SLCO1A2: variants seen among roughly 807,000 people sequenced by gnomAD.
SLCO1A2 encodes OATP-1.
Under a neutral mutation model 69.0 loss-of-function variants are expected in SLCO1A2, and 67 were observed. That is an observed-to-expected ratio of 0.97 (90% CI 0.80 to 1.19). The LOEUF (loss-of-function observed/expected upper bound fraction) is 1.19. Among genes scored for constraint, SLCO1A2 ranks in the 50% most tolerant of loss-of-function variants. The pLI, the probability that SLCO1A2 is intolerant of heterozygous loss-of-function variation, is 0.00. For synonymous variants in SLCO1A2, 260 were observed against 265.9 expected (o/e 0.98, Z 0.22); for missense variants, 787 against 793.7 (o/e 0.99, Z 0.10).
upstream of SLCO1A2, among the ~76,000 whole-genome samples, chr12:21,395,863 A>G (rs1941432975): frequency 6.6e-6 from 1 of 151,804 alleles, no homozygotes; most frequent in South Asian, 2.1e-4. Context: ...CACACCAAAA[A>G]CCCATCTGTA....
upstream of SLCO1A2, among the ~76,000 whole-genome samples, chr12:21,399,079 C>A (rs1941592035): frequency 2.7e-5 from 4 of 146,346 alleles, no homozygotes; most frequent in African/African-American, 1.0e-4. Flanking sequence ...AAGAGGAAGT[C>A]AAATTGTCCC....
At chr12:21,417,249 A>C (rs1942003148) in intron 1 of SLCO1A2, among the ~76,000 whole-genome samples, 1 of 151,992 alleles carries the variant, frequency 6.6e-6, no homozygotes, top group African/African-American at 2.4e-5. Flanking sequence ...ACAATATATG[A>C]ATCAGCTAAG....
chr12:21,396,120 T>C (rs1023578556), upstream of SLCO1A2, among the ~76,000 whole-genome samples: 2 of 151,850 alleles, frequency 1.3e-5, no homozygotes, highest in Non-Finnish European at 2.9e-5. Context: ...AGTTGAAAAC[T>C]CTGAAAAAAT....
At chr12:21,341,854 T>C (rs919246622) in intron 2 of SLCO1A2, among the ~76,000 whole-genome samples, 1 of 152,052 alleles carries the variant, frequency 6.6e-6, no homozygotes, top group Non-Finnish European at 1.5e-5. Flanking sequence ...ATAGTGTCCA[T>C]TCAGATTTCT....
chr12:21,344,371 T>C (rs545200808), intron 2 of SLCO1A2, among the ~76,000 whole-genome samples: 2 of 152,224 alleles, frequency 1.3e-5, no homozygotes, highest in Non-Finnish European at 2.9e-5. Flanking sequence ...GTAGTTCACC[T>C]GACTCACTTT....
intron 2 of SLCO1A2, among the ~76,000 whole-genome samples, chr12:21,361,381 T>A (rs939800946): frequency 1.3e-5 from 2 of 152,136 alleles, no homozygotes; most frequent in African/African-American, 4.8e-5. Flanking sequence ...AAACCCCATC[T>A]GTAGGTCACC....
At chr12:21,383,207 C>T (rs74066470) in intron 1 of SLCO1A2, among the ~76,000 whole-genome samples, 5,815 of 152,208 alleles carry the variant, frequency 0.038, 364 homozygotes, top group African/African-American at 0.13. Context: ...CTAAATATTT[C>T]CAACACTGAA....
upstream of SLCO1A2, among the ~76,000 whole-genome samples, chr12:21,399,140 C>CTT (rs1941595074): frequency 6.8e-6 from 1 of 147,008 alleles, no homozygotes; most frequent in Non-Finnish European, 1.5e-5. Context: ...CATCTCAGCC[C>CTT]AAAATCTCCT....
intron 4 of SLCO1A2, among the ~76,000 whole-genome samples, chr12:21,309,239 T>C (rs1245452073): frequency 6.6e-6 from 1 of 152,042 alleles, no homozygotes; most frequent in Non-Finnish European, 1.5e-5. Context: ...ATTCAAGTAA[T>C]AGAGATCTAG....
chr12:21,391,480 GTCTT>G (rs1941149626), intron 1 of SLCO1A2, among the ~76,000 whole-genome samples: 1 of 152,098 alleles, frequency 6.6e-6, no homozygotes, highest in African/African-American at 2.4e-5. Flanking sequence ...TAATCCTGGT[GTCTT>G]TCTGAGCATA....
At chr12:21,390,449 GT>G (rs1435165148) in intron 1 of SLCO1A2, among the ~76,000 whole-genome samples, 1 of 152,076 alleles carries the variant, frequency 6.6e-6, no homozygotes, top group Non-Finnish European at 1.5e-5. Context: ...TGATGATAAG[GT>G]TTGTAAAATG....
At chr12:21,378,078 A>T (rs184936798) in intron 1 of SLCO1A2, among the ~76,000 whole-genome samples, 172 of 152,346 alleles carry the variant, frequency 1.1e-3, no homozygotes, top group African/African-American at 4.0e-3. Context: ...TGTCAAAAAA[A>T]AATCTCAGCC....
intron 2 of SLCO1A2, among the ~76,000 whole-genome samples, chr12:21,345,507 T>TA (rs1034043965): frequency 6.6e-6 from 1 of 152,106 alleles, no homozygotes; most frequent in South Asian, 2.1e-4. Flanking sequence ...TAACTAATCC[T>TA]AAAAAATCAA....
intron 14 of SLCO1A2, chr12:21,273,888 G>A (rs1943326603): frequency 6.6e-6 from 1 of 152,090 alleles, no homozygotes; most frequent in Admixed American, 6.6e-5. Flanking sequence ...ATCAAGAGAA[G>A]TTAATTCAAA....
chr12:21,335,766 G>C (rs986792425), upstream of SLCO1A2, among the ~76,000 whole-genome samples: 2 of 152,216 alleles, frequency 1.3e-5, no homozygotes, highest in East Asian at 3.9e-4. Flanking sequence ...GCACTATTAT[G>C]TTTGAGTTTT....
intron 11 of SLCO1A2, among the ~76,000 whole-genome samples, 173 bp from the exon 12 acceptor site, chr12:21,292,509 G>GA (rs1947032793): frequency 6.6e-6 from 1 of 152,072 alleles, no homozygotes; most frequent in Non-Finnish European, 1.5e-5. Context: ...GGTGATTTCA[G>GA]AAAAACGGTA....
chr12:21,310,805 G>A (rs1324723097), intron 4 of SLCO1A2, among the ~76,000 whole-genome samples: 1 of 152,048 alleles, frequency 6.6e-6, no homozygotes, highest in Non-Finnish European at 1.5e-5. Context: ...GGGTTTCACC[G>A]TGTTAGCCAG....
rs11568567 is a variant in SLCO1A2, at chr12:21,306,942, T to A, written c.382A>T (p.Asn128Tyr). 1.1e-3 allele frequency: 1,838 copies of A among 1,613,300 alleles called. 16 individuals carry two copies. The African/African-American group carries it at 0.019, about 17-fold the overall frequency. Residue 128 changes from asparagine (N) to tyrosine (Y), a missense_variant, in exon 5 of 15, where the codon AAC (asparagine) becomes TAC (tyrosine). By Grantham distance (143) the Asn-to-Tyr change is moderately radical. Coordinates refer to ENST00000683939, the MANE Select transcript of SLCO1A2 (RefSeq NM_001386879.1). ...TVSVSGNLSS[N>Y]SFLCMENGTQ... ...CCATTTTCCATACACAAGAAACTGT[T>A]TGAGGACAAGTTGCCTGAAACTGAA...
rs1457298576 is a variant in SLCO1A2, at chr12:21,269,543, G to A, written c.*5C>T. ...AATTCTGAAAAAAGTAATATAATAGGACAATTACAATTTAGTTTTCAATTC... is the reference window on the plus strand; with the variant it reads ...AATTCTGAAAAAAGTAATATAATAGAACAATTACAATTTAGTTTTCAATTC... On this transcript the variant is annotated 3_prime_UTR_variant, in exon 15 of 15. Coordinates refer to ENST00000683939, the MANE Select transcript of SLCO1A2 (RefSeq NM_001386879.1). 9 of 1,593,414 alleles carry A rather than the reference G, an allele frequency of 5.6e-6. No homozygotes were observed. The highest frequency in any genetic ancestry group is 7.7e-6 in the Non-Finnish European group (9 of 1,163,350).
Sources: allele counts gnomAD v4.1 joint callset (sites outside exome capture counted in the v4.1 genomes callset), GRCh38; gene constraint gnomAD v4.1.1; transcripts MANE v1.5; gene names NCBI Gene and HGNC (gene_info 2026-07-23, HGNC 2026-07-21).